Variants in YEATS2 observed in about 807,000 individuals in gnomAD.
YEATS2 encodes YEATS domain containing 2.
Under a neutral mutation model 163.2 loss-of-function variants are expected in YEATS2, and 77 were observed. That is an observed-to-expected ratio of 0.47 (90% confidence interval 0.39 to 0.57). The LOEUF (loss-of-function observed/expected upper bound fraction) is 0.57, where lower values mean the gene tolerates loss of function less well. Among genes scored for constraint, YEATS2 ranks in the 20% least tolerant of loss-of-function variants. YEATS2 has a pLI of 0.00. For synonymous variants in YEATS2, 631 were observed against 645.1 expected, an observed-to-expected ratio of 0.98 and a Z score of 0.33; for missense variants, 1,549 against 1,729.8, an observed-to-expected ratio of 0.90 and a Z score of 1.85.
chr3:183,717,854 T>A, intron 3 of YEATS2, 106 bp downstream of exon 3: 77 of 418,016 alleles, frequency 1.8e-4, no homozygotes, highest in Non-Finnish European at 2.7e-4. Context: ...TTTATCCTCC[T>A]CTTTGCTTTT....
chr3:183,740,340 AAC>A (rs1239969324), intron 8 of YEATS2, among the ~76,000 whole-genome samples: 1 of 152,230 alleles, frequency 6.6e-6, no homozygotes, highest in Non-Finnish European at 1.5e-5. Flanking sequence ...GCAGCCAAAA[AAC>A]ACATGAAAAA....
intron 9 of YEATS2, 96 bp from the exon 10 acceptor site, chr3:183,751,977 C>T (rs897819369): frequency 1.1e-4 from 145 of 1,353,042 alleles, no homozygotes; most frequent in Non-Finnish European, 3.7e-5. Context: ...TAGAAGTTAT[C>T]TCTCACATCC....
At chr3:183,713,808 G>A (rs939893775) in intron 1 of YEATS2, among the ~76,000 whole-genome samples, 1 of 152,112 alleles carries the variant, frequency 6.6e-6, no homozygotes, top group Admixed American at 6.6e-5. Flanking sequence ...GGTGACTCTC[G>A]AGCACTAATT....
At chr3:183,800,768 G>T (rs1343915125) in intron 24 of YEATS2, among the ~76,000 whole-genome samples, 200 bp downstream of exon 24, 2 of 152,178 alleles carry the variant, frequency 1.3e-5, no homozygotes, top group Non-Finnish European at 2.9e-5. Context: ...GACTAGAGGT[G>T]GCACTTGATT....
rs540051520 is a variant in YEATS2, at chr3:183,703,758, G to A, written c.-20+5765G>A. Among the ~76,000 whole-genome samples the A allele has an allele frequency of 1.1e-3, 169 of 152,168 alleles. 2 individuals carry two copies. The highest frequency in any genetic ancestry group is 3.9e-3 in the African/African-American group (163 of 41,536). ...AGAGTGTACATTGAACAGTCTTTGG[G>A]AAGAGTGGATGGTGTTGGGGTGAAG... is the stretch of plus-strand genomic sequence containing the variant. On this transcript the variant is annotated intron_variant, in intron 1 of 30. Transcript: ENST00000305135.
intron 29 of YEATS2, 199 bp downstream of exon 29, chr3:183,808,303 T>G: frequency 1.8e-6 from 1 of 567,758 alleles, no homozygotes; most frequent in Middle Eastern, 4.7e-4. Context: ...TTCCTCTGAG[T>G]CATGTGGTTT....
chr3:183,767,574 G>T (rs1722030912), intron 15 of YEATS2, among the ~76,000 whole-genome samples: 1 of 152,026 alleles, frequency 6.6e-6, no homozygotes, highest in Admixed American at 6.6e-5. Context: ...GTAGAGACAG[G>T]GTTTCACTAT....
intron 5 of YEATS2, 110 bp from the exon 6 acceptor site, chr3:183,724,308 AT>A (rs1432304588): frequency 7.5e-6 from 6 of 799,912 alleles, no homozygotes; most frequent in Non-Finnish European, 1.2e-5. Context: ...AAATTTTGTA[AT>A]TTTTTAAAAA....
chr3:183,765,922 G>A (rs144275130), intron 15 of YEATS2, among the ~76,000 whole-genome samples: 1 of 151,628 alleles, frequency 6.6e-6, no homozygotes, highest in African/African-American at 2.4e-5. Context: ...ACTCCAGCCT[G>A]GGAGATAGAG....
At chr3:183,780,075 T>A (rs2108431006) in intron 19 of YEATS2, among the ~76,000 whole-genome samples, 1 of 151,930 alleles carries the variant, frequency 6.6e-6, no homozygotes, top group South Asian at 2.1e-4. Flanking sequence ...ATTGCTGTGG[T>A]TTCAGATTGC....
intron 13 of YEATS2, 88 bp from the exon 14 acceptor site, chr3:183,761,419 G>A: frequency 1.6e-6 from 2 of 1,217,090 alleles, no homozygotes; most frequent in Non-Finnish European, 1.2e-6. Flanking sequence ...GCTAGAGAAT[G>A]TCACAGGTTT....
In YEATS2 at chr3:183,752,235, G is replaced by A. The variant is rs543782061; in HGVS notation, c.1132G>A (p.Asp378Asn). 84 of 1,614,112 alleles carry A rather than the reference G, an allele frequency of 5.2e-5. No individual in the cohort carries two copies. The East Asian group carries it at 1.2e-3, about 23-fold the overall frequency. Reference protein sequence around the residue: ...PIKQSHEPVPDTSVEKGFPAS... With the variant: ...PIKQSHEPVPNTSVEKGFPAS... ...AAAGCAGTCACATGAGCCAGTACCC[G>A]ATACCTCTGTGGAGAAAGGTAATAC... The change falls in exon 10 of 31, where the codon GAT (aspartate) becomes AAT (asparagine). Residue 378 changes from aspartate (D) to asparagine (N), a missense_variant. Transcript: ENST00000305135.
intron 8 of YEATS2, among the ~76,000 whole-genome samples, chr3:183,747,197 A>C (rs1261787279): frequency 6.6e-6 from 1 of 152,158 alleles, no homozygotes; most frequent in Non-Finnish European, 1.5e-5. Flanking sequence ...CTCTGAGTAT[A>C]TAATTGTGTC....
chr3:183,714,167 G>A (rs1458791960), intron 1 of YEATS2, among the ~76,000 whole-genome samples: 6 of 151,182 alleles, frequency 4.0e-5, no homozygotes, highest in African/African-American at 9.7e-5. Context: ...TTAATGTACT[G>A]AGACAGTAAA....
chr3:183,748,094 ATAAC>A (rs1158639189), intron 9 of YEATS2, among the ~76,000 whole-genome samples: 3 of 151,888 alleles, frequency 2.0e-5, no homozygotes, highest in Non-Finnish European at 4.4e-5. Context: ...ACTATTATAA[ATAAC>A]TACCGAAGAC....
chr3:183,787,769 G>A (rs1368519553), intron 20 of YEATS2, among the ~76,000 whole-genome samples: 2 of 152,006 alleles, frequency 1.3e-5, no homozygotes, highest in Non-Finnish European at 2.9e-5. Context: ...AGGCCGAGAA[G>A]GGCGGATCAC....
rs57050296 is a variant in YEATS2 at position 183,755,741 on chromosome 3, C to CTTTTTTTTTTTT, written c.1391-769_1391-758dup. ...ACTTACTGATTTTCTTCCTTCCTTTCTTTTTTTTTTTTTTTTTTTTTTTTT... is the reference window on the plus strand; with the variant it reads ...ACTTACTGATTTTCTTCCTTCCTTTCTTTTTTTTTTTTTTTTTTTTTTTTTTTTTTTTTTTTT... On this transcript the variant is annotated intron_variant, in intron 11 of 30. Transcript: ENST00000305135. 8.8e-4 allele frequency among the ~76,000 whole-genome samples: 72 copies of CTTTTTTTTTTTT among 82,174 alleles called. 7 individuals carry two copies. Among genetic ancestry groups the CTTTTTTTTTTTT allele is most frequent in the African/African-American group, 2.6e-3 (43 of 16,550 alleles). 53.9% of individuals were successfully genotyped at this position (82,174 alleles called of 152,430 possible).
chr3:183,732,680 C>T (rs1208076770), intron 7 of YEATS2, among the ~76,000 whole-genome samples: 1 of 151,754 alleles, frequency 6.6e-6, no homozygotes, highest in African/African-American at 2.4e-5. Flanking sequence ...CTGCCTCAGC[C>T]TCCTGAGTAA....
At chr3:183,741,076 TTACAGACCC>T in intron 8 of YEATS2, among the ~76,000 whole-genome samples, 3 of 151,984 alleles carry the variant, frequency 2.0e-5, no homozygotes, top group African/African-American at 7.2e-5. Flanking sequence ...GTAGCTAGGA[TTACAGACCC>T]CTGCCACCAC....
Sources: gnomAD v4.1 joint callset for allele counts (sites outside exome capture counted in the v4.1 genomes callset) on GRCh38, gnomAD v4.1.1 for gene constraint, MANE v1.5 for transcripts, NCBI Gene and HGNC (gene_info 2026-07-23, HGNC 2026-07-21) for gene names.